ANK2: variants seen among roughly 807,000 people sequenced by gnomAD.
ANK2 encodes ankyrin 2, also known as ankyrin-2.
Under a neutral mutation model 360.5 loss-of-function variants are expected in ANK2, and 83 were observed. That is an observed-to-expected ratio of 0.23 (90% CI 0.19 to 0.28). The LOEUF (loss-of-function observed/expected upper bound fraction) is 0.28, where lower values mean the gene tolerates loss of function less well. Ranked by LOEUF, ANK2 falls within the 10% of genes least tolerant of loss-of-function variation. ANK2 has a pLI of 1.00. For synonymous variants in ANK2, 1,740 were observed against 1,759.5 expected (o/e 0.99, Z 0.28); for missense variants, 4,201 against 4,795.7 (o/e 0.88, Z 3.66).
At chr4:113,088,448 C>T (rs188079460) in intron 1 of ANK2, among the ~76,000 whole-genome samples, 3 of 152,278 alleles carry the variant, frequency 2.0e-5, no homozygotes, top group African/African-American at 4.8e-5. Context: ...AAAGTGGAAG[C>T]GTTTACCTAT....
chr4:113,032,164 A>G (rs1261495973), intron 2 of ANK2, among the ~76,000 whole-genome samples: 1 of 152,078 alleles, frequency 6.6e-6, no homozygotes, highest in Non-Finnish European at 1.5e-5. Flanking sequence ...GGCTGCACAC[A>G]CTGTTTGAAA....
rs745559190 is a variant in ANK2, at chr4:113,288,380, A to G, written c.2179-8A>G. 2 of 1,610,264 alleles carry G rather than the reference A, an allele frequency of 1.2e-6. No individual in the cohort carries two copies. Among genetic ancestry groups the G allele is most frequent in the Non-Finnish European group, 1.7e-6 (2 of 1,176,820 alleles). ...TATCTATTTTTAACTTTTTATTATT[A>G]TTTACAGCTTGGTTACACACCTTTA... On this transcript the variant is annotated splice_region_variant and splice_polypyrimidine_tract_variant and intron_variant, in intron 19 of 45. Coordinates refer to ENST00000357077, the MANE Select transcript of ANK2 (RefSeq NM_001148.6).
intron 15 of ANK2, 60 bp from the exon 16 acceptor site, chr4:113,277,777 A>G: frequency 1.4e-6 from 2 of 1,382,682 alleles, no homozygotes; most frequent in Non-Finnish European, 2.1e-6. Context: ...ACAAATAAAA[A>G]GATTTTTTGA....
Position 113,365,345 on chromosome 4 carries a change from T to C in ANK2, c.11032+163T>C, listed in dbSNP as rs2096481107. On this transcript the variant is annotated intron_variant, in intron 41 of 45. Coordinates refer to ENST00000357077, the MANE Select transcript of ANK2 (RefSeq NM_001148.6). Reference sequence around the variant, plus strand: ...TTCTTTTCCTTGCTACCCTGAGGCTTTCCTCCCTGTTTTACACACCCTCCC... The same window carrying C: ...TTCTTTTCCTTGCTACCCTGAGGCTCTCCTCCCTGTTTTACACACCCTCCC... Among the ~76,000 whole-genome samples, 4 of 152,100 alleles carry C rather than the reference T, an allele frequency of 2.6e-5. No homozygotes were observed. In the South Asian group the frequency reaches 8.3e-4, roughly 32 times the overall value.
At chr4:113,151,824 G>A (rs1379476522) in intron 1 of ANK2, among the ~76,000 whole-genome samples, 1 of 151,588 alleles carries the variant, frequency 6.6e-6, no homozygotes, top group East Asian at 1.9e-4. Context: ...TCAGCACTTT[G>A]GGAGGCTGAG....
In ANK2 at chr4:113,360,879, C is replaced by G. The variant is rs2096173370; in HGVS notation, c.10738C>G (p.Leu3580Val). ...EERLAYIADH[L>V]GFSWTELARE... ...AAGGCTGGCTTATATTGCTGATCAC[C>G]TTGGCTTCAGCTGGACAGGTAAAAA... The change falls in exon 39 of 46, where the codon CTT (leucine) becomes GTT (valine). Residue 3580 changes from leucine to valine, a missense_variant. Leu to Val is a conservative substitution (Grantham distance 32, BLOSUM62 1). Coordinates refer to ENST00000357077, the MANE Select transcript of ANK2 (RefSeq NM_001148.6). The G allele has an allele frequency of 2.5e-6, 4 of 1,612,636 alleles. No homozygotes were observed. The highest frequency in any genetic ancestry group is 1.1e-5 in the South Asian group (1 of 90,918).
At chr4:113,267,537 T>C (rs1205911304) in intron 14 of ANK2, among the ~76,000 whole-genome samples, 1 of 152,236 alleles carries the variant, frequency 6.6e-6, no homozygotes. Context: ...TTCTGTCAGA[T>C]TTGTCAAAGA....
the ANK2 span, among the ~76,000 whole-genome samples, chr4:112,801,868 T>C: frequency 6.6e-6 from 1 of 152,006 alleles, no homozygotes; most frequent in Admixed American, 6.6e-5. Context: ...AGGTGTATCA[T>C]AATGAAATTT....
intron 6 of ANK2, 27 bp downstream of exon 6, chr4:113,237,199 A>C (rs942856980): frequency 1.9e-6 from 3 of 1,606,374 alleles, no homozygotes; most frequent in Admixed American, 3.3e-5. Flanking sequence ...ACATTTGTGG[A>C]AAGGAACTCT....
intron 29 of ANK2, among the ~76,000 whole-genome samples, 170 bp downstream of exon 29, chr4:113,333,378 G>A (rs992513759): frequency 5.9e-5 from 9 of 151,746 alleles, no homozygotes; most frequent in African/African-American, 2.2e-4. Flanking sequence ...TGCTCCTGTA[G>A]TGATGAGTTG....
intron 1 of ANK2, among the ~76,000 whole-genome samples, chr4:113,057,167 A>G (rs2070468373): frequency 6.6e-6 from 1 of 152,184 alleles, no homozygotes; most frequent in South Asian, 2.1e-4. Context: ...TCTATCTAAG[A>G]AAAAAGTAAT....
At chr4:113,245,863 A>G (rs182651497) in intron 9 of ANK2, among the ~76,000 whole-genome samples, 154 of 151,894 alleles carry the variant, frequency 1.0e-3, no homozygotes, top group African/African-American at 3.5e-3. Flanking sequence ...GGAGTACAAT[A>G]GTGCGATCTC....
chr4:113,069,042 C>T (rs536001769), intron 1 of ANK2, among the ~76,000 whole-genome samples: 31 of 151,342 alleles, frequency 2.0e-4, no homozygotes, highest in South Asian at 8.4e-4. Flanking sequence ...GGCAACACAG[C>T]GAGACCCTGT....
chr4:113,205,227 C>T (rs1397270911), intron 4 of ANK2, among the ~76,000 whole-genome samples: 1 of 116,540 alleles, frequency 8.6e-6, no homozygotes, highest in Non-Finnish European at 1.7e-5. Flanking sequence ...CAGAGCAAGA[C>T]TCCGTCTCAA....
At chr4:113,192,539 A>T (rs1024872090) in intron 2 of ANK2, among the ~76,000 whole-genome samples, 1 of 152,176 alleles carries the variant, frequency 6.6e-6, no homozygotes, top group African/African-American at 2.4e-5. Context: ...CTGGTTTAGC[A>T]TTTAATTATT....
In ANK2 at chr4:113,353,186, C is replaced by G. The variant is rs1171103781; in HGVS notation, c.4568C>G (p.Thr1523Arg). 6.2e-7 allele frequency: 1 copy of G among 1,614,038 alleles called. No homozygotes were observed. The highest frequency in any genetic ancestry group is 1.7e-5 in the Admixed American group (1 of 60,006). ...ATCAAAATGACCGCCATCTTGACCA[C>G]AGATGTGTCTGATAAGGCAGGTTCT... ...DLIKMTAILT[T>R]DVSDKAGSIK... The change falls in exon 38 of 46, where the codon ACA becomes AGA. Residue 1523 changes from threonine to arginine, a missense_variant. By Grantham distance (71) the Thr-to-Arg change is moderately conservative. This residue lies in a region of ANK2 where 1,268 missense variants were observed against 1,650.8 expected (regional missense o/e 0.77). Transcript: ENST00000357077.
At chr4:113,338,471 C>T (rs1007436699) in intron 31 of ANK2, among the ~76,000 whole-genome samples, 7 of 150,438 alleles carry the variant, frequency 4.7e-5, no homozygotes, top group African/African-American at 9.8e-5. Context: ...TATTGCACAT[C>T]GAGAGGAACT....
At chr4:113,167,608 A>G (rs2097792911) in intron 1 of ANK2, among the ~76,000 whole-genome samples, 2 of 152,058 alleles carry the variant, frequency 1.3e-5, no homozygotes, top group Non-Finnish European at 2.9e-5. Flanking sequence ...CCAGGTCACC[A>G]TCTTTTAAAG....
intron 35 of ANK2, 130 bp from the exon 36 acceptor site, chr4:113,348,146 A>G (rs904149979): frequency 1.0e-5 from 9 of 858,474 alleles, no homozygotes; most frequent in Non-Finnish European, 1.5e-5. Flanking sequence ...AAAAAAGAGT[A>G]TGTTGACTGT....
Sources: gnomAD v4.1 joint callset for allele counts (sites outside exome capture counted in the v4.1 genomes callset) on GRCh38, gnomAD v4.1.1 for gene constraint, gnomAD v4.1.1 regional missense constraint, MANE v1.5 for transcripts, NCBI Gene and HGNC (gene_info 2026-07-23, HGNC 2026-07-21) for gene names.